The following SLC4A8 variants were observed in gnomAD, a reference collection of about 807,000 sequenced individuals.
SLC4A8 encodes electroneutral sodium bicarbonate exchanger 1.
A neutral mutation model predicts 125.0 loss-of-function variants in SLC4A8; 40 were observed. The ratio of observed to expected loss-of-function variants is 0.32; its 90% CI spans 0.25 to 0.42. SLC4A8 has a LOEUF of 0.42. Among genes scored for constraint, SLC4A8 ranks in the 10% least tolerant of loss-of-function variants. The pLI is 1.00. For synonymous variants in SLC4A8, 456 were observed against 476.0 expected, an observed-to-expected ratio of 0.96 and a Z score of 0.55; for missense variants, 863 against 1,355.1, an observed-to-expected ratio of 0.64 and a Z score of 5.70.
At position 51,489,801 on chromosome 12, in the gene SLC4A8, C is replaced by T; in HGVS notation, c.2550C>T (p.Ser850=). Residue 850 remains serine (S), a synonymous_variant, in exon 19 of 25, where the codon TCC becomes TCT. Coordinates refer to ENST00000453097, the MANE Select transcript of SLC4A8 (RefSeq NM_001039960.3). ...LPWFVAATVL[S]ITHVNSLKLE... ...GGTTTGTAGCTGCAACTGTCTTGTC[C>T]ATCACACATGTGAACAGCCTCAAGC... The T allele has an allele frequency of 6.2e-7, 1 of 1,614,226 alleles. No individual in the cohort carries two copies. The highest frequency in any genetic ancestry group is 8.5e-7 in the Non-Finnish European group (1 of 1,180,046).
chr12:51,493,721 A>T lies in SLC4A8; in HGVS notation c.2718A>T (p.Val906=), dbSNP rs745679636. 1.9e-6 allele frequency: 3 copies of T among 1,609,708 alleles called. No homozygotes were observed. In the Admixed American group the frequency reaches 5.0e-5, roughly 27 times the overall value. ...TAILKFIPMP[V]LYGVFLYMGV... ...GTCTTCAGTTTATTCCAATGCCAGTACTCTACGGAGTTTTCCTTTACATGG... is the reference window on the plus strand; with the variant it reads ...GTCTTCAGTTTATTCCAATGCCAGTTCTCTACGGAGTTTTCCTTTACATGG... Residue 906 remains valine (V), a synonymous_variant, in exon 20 of 25, where the codon GTA becomes GTT. Coordinates refer to ENST00000453097, the MANE Select transcript of SLC4A8 (RefSeq NM_001039960.3).
intron 1 of SLC4A8, among the ~76,000 whole-genome samples, chr12:51,394,556 T>C (rs907348): frequency 0.62 from 95,051 of 152,140 alleles, 29,813 homozygotes; most frequent in Non-Finnish European, 0.63. Flanking sequence ...TGGTGGCTCA[T>C]GCCTGTAATC....
intron 11 of SLC4A8, among the ~76,000 whole-genome samples, chr12:51,464,883 C>CT (rs1249404333): frequency 6.6e-6 from 1 of 152,118 alleles, no homozygotes; most frequent in Non-Finnish European, 1.5e-5. Context: ...GAGAATGGCA[C>CT]TTGACTAGCA....
rs917374088 is a variant in SLC4A8, at chr12:51,466,092, T to G, written c.1349+2378T>G. On this transcript the variant is annotated intron_variant, in intron 11 of 24. Transcript: ENST00000453097. ...TATTTGAAGGCAGGGTGAAGTAGAC[T>G]CTAAGAAGATGGGAAAGGAGACAAA... Among the ~76,000 whole-genome samples, 4 of 152,152 alleles carry G rather than the reference T, an allele frequency of 2.6e-5. No individual in the cohort carries two copies. The South Asian group carries it at 8.3e-4, about 32-fold the overall frequency.
rs768057064 is a variant in SLC4A8, at chr12:51,469,843, C to T, written c.1524+55C>T. Reference sequence around the variant, plus strand: ...CCAAACAAGACCTAAAATATTGTGGCGGCAGCCAGGTCCACTGTGGGGGAA... The same window carrying T: ...CCAAACAAGACCTAAAATATTGTGGTGGCAGCCAGGTCCACTGTGGGGGAA... On this transcript the variant is annotated intron_variant, in intron 12 of 24. Coordinates refer to ENST00000453097, the MANE Select transcript of SLC4A8 (RefSeq NM_001039960.3). 1.2e-4 allele frequency: 192 copies of T among 1,565,142 alleles called. 1 individual carries two copies. Among genetic ancestry groups the T allele is most frequent in the Non-Finnish European group, 1.4e-4 (162 of 1,138,658 alleles).
chr12:51,436,156 CCA>C (rs771596395), intron 1 of SLC4A8, among the ~76,000 whole-genome samples: 6 of 152,114 alleles, frequency 3.9e-5, no homozygotes, highest in Non-Finnish European at 8.8e-5. Flanking sequence ...GCCGAGAATC[CCA>C]GTCCTCAGCC....
intron 22 of SLC4A8, among the ~76,000 whole-genome samples, chr12:51,503,509 C>T (rs1449369612): frequency 1.3e-5 from 2 of 152,184 alleles, no homozygotes; most frequent in East Asian, 3.8e-4. Flanking sequence ...CCATGCCCGG[C>T]CTACCTTATT....
intron 1 of SLC4A8, among the ~76,000 whole-genome samples, chr12:51,402,884 C>A (rs972141227): frequency 4.6e-5 from 7 of 152,110 alleles, no homozygotes; most frequent in Non-Finnish European, 8.8e-5. Context: ...TTATCCTGTT[C>A]TTCACAGCGT....
intron 22 of SLC4A8, among the ~76,000 whole-genome samples, chr12:51,503,507 G>A (rs1938028172): frequency 1.3e-5 from 2 of 152,098 alleles, no homozygotes; most frequent in South Asian, 4.1e-4. Context: ...CACCATGCCC[G>A]GCCTACCTTA....
intron 6 of SLC4A8, 108 bp downstream of exon 6, chr12:51,457,647 T>C: frequency 9.6e-7 from 1 of 1,037,112 alleles, no homozygotes; most frequent in African/African-American, 1.6e-5. Flanking sequence ...TATGTTTCCA[T>C]GTCCACTTAG....
intron 2 of SLC4A8, among the ~76,000 whole-genome samples, chr12:51,448,108 T>C (rs1486723551): frequency 6.6e-6 from 1 of 152,166 alleles, no homozygotes; most frequent in Non-Finnish European, 1.5e-5. Context: ...ATAATTGGTA[T>C]TAAAAGAAGA....
chr12:51,496,425 G>A (rs951523778), intron 21 of SLC4A8, among the ~76,000 whole-genome samples: 2 of 152,162 alleles, frequency 1.3e-5, no homozygotes, highest in Non-Finnish European at 2.9e-5. Context: ...GATTTTAGGC[G>A]AGTCACTTTC....
intron 1 of SLC4A8, among the ~76,000 whole-genome samples, chr12:51,399,310 A>T (rs998789072): frequency 6.6e-6 from 1 of 152,202 alleles, no homozygotes; most frequent in Non-Finnish European, 1.5e-5. Flanking sequence ...TCAAAAGTAT[A>T]GTGAAGAGGG....
At chr12:51,507,317 C>T (rs1472419379) in intron 24 of SLC4A8, 109 bp from the exon 25 acceptor site, 2 of 690,140 alleles carry the variant, frequency 2.9e-6, no homozygotes, top group Non-Finnish European at 4.4e-6. Context: ...TGTAAATGAA[C>T]TTAAAATATA....
At chr12:51,480,081 C>G in intron 16 of SLC4A8, 1 of 367,798 alleles carries the variant, frequency 2.7e-6, no homozygotes, top group South Asian at 2.0e-5. Context: ...GCTGGGACTA[C>G]AGGCACGCAC....
At chr12:51,485,595 C>G (rs1227998142) in intron 16 of SLC4A8, among the ~76,000 whole-genome samples, 192 bp from the exon 17 acceptor site, 1 of 152,144 alleles carries the variant, frequency 6.6e-6, no homozygotes, top group African/African-American at 2.4e-5. Context: ...GGTTCATTCT[C>G]CCTCATCATA....
rs912329398 is a variant in SLC4A8, at chr12:51,508,487, T to G, written c.*1049T>G. 2.6e-5 allele frequency: 4 copies of G among 152,776 alleles called. No individual in the cohort carries two copies. The East Asian group carries it at 5.8e-4, about 22-fold the overall frequency. 9.5% of individuals were successfully genotyped at this position (152,776 alleles called of 1,614,324 possible). On this transcript the variant is annotated 3_prime_UTR_variant, in exon 25 of 25. Transcript: ENST00000453097. ...TGGCGAGATCCAAGTGCTTACGTAC[T>G]GTCTCCTTAGCTGCCTTAGAGTAAA...
chr12:51,425,048 C>G lies in SLC4A8; in HGVS notation c.48+13C>G. The G allele has an allele frequency of 1.9e-6, 3 of 1,544,050 alleles. No individual in the cohort carries two copies. Among genetic ancestry groups the G allele is most frequent in the Non-Finnish European group, 2.6e-6 (3 of 1,145,542 alleles). ...CCTCAGCTATCAGGTAGGGCCCCGC[C>G]TCCCGCGCCTCCCGCTCCTCCCCGG... On this transcript the variant is annotated intron_variant, in intron 1 of 24. Transcript: ENST00000453097.
intron 17 of SLC4A8, 63 bp downstream of exon 17, chr12:51,485,963 A>G (rs1951153088): frequency 6.3e-6 from 6 of 945,100 alleles, no homozygotes; most frequent in Non-Finnish European, 1.0e-5. Context: ...TGCCAAGTAA[A>G]TTTCAAAGGC....
Sources: gnomAD v4.1 joint callset for allele counts (sites outside exome capture counted in the v4.1 genomes callset) on GRCh38, gnomAD v4.1.1 for gene constraint, MANE v1.5 for transcripts, NCBI Gene and HGNC (gene_info 2026-07-23, HGNC 2026-07-21) for gene names.